TECPR2: variants seen among roughly 807,000 people sequenced by gnomAD.
The protein encoded by TECPR2 is tectonin beta-propeller repeat-containing protein 2.
TECPR2 carries 65 observed loss-of-function variants against 138.1 expected under a neutral mutation model. The ratio of observed to expected loss-of-function variants is 0.47; its 90% CI spans 0.39 to 0.58. The LOEUF is 0.58. Ranked by LOEUF, TECPR2 falls within the 20% of genes least tolerant of loss-of-function variation. The pLI, the probability that TECPR2 is intolerant of heterozygous loss-of-function variation, is 0.00. For synonymous variants in TECPR2, 746 were observed against 749.8 expected (o/e 0.99, Z 0.08); for missense variants, 1,553 against 1,824.5 (o/e 0.85, Z 2.71).
At chr14:102,486,753 A>T (rs899949844) in intron 17 of TECPR2, among the ~76,000 whole-genome samples, 2 of 152,208 alleles carry the variant, frequency 1.3e-5, no homozygotes, top group African/African-American at 4.8e-5. Flanking sequence ...CCAGCTAAGG[A>T]CACAGACCAC....
At chr14:102,438,305 G>A (rs948572067) in intron 10 of TECPR2, 100 bp downstream of exon 10, 6 of 1,385,256 alleles carry the variant, frequency 4.3e-6, no homozygotes, top group Non-Finnish European at 5.7e-6. Context: ...CTCCCCTGCA[G>A]CAGCTCTGGG....
At chr14:102,418,736 G>A (rs1468704302) in intron 5 of TECPR2, among the ~76,000 whole-genome samples, 1 of 152,204 alleles carries the variant, frequency 6.6e-6, no homozygotes, top group Non-Finnish European at 1.5e-5. Context: ...AGCTCAGCAG[G>A]GCCAGCAAGG....
intron 5 of TECPR2, among the ~76,000 whole-genome samples, chr14:102,422,625 G>A (rs1000006834): frequency 6.6e-6 from 1 of 152,278 alleles, no homozygotes; most frequent in Non-Finnish European, 1.5e-5. Context: ...AAATTATATT[G>A]TCTTTAGAGA....
chr14:102,489,706 A>AC (rs1248240198), intron 17 of TECPR2, among the ~76,000 whole-genome samples: 2 of 150,004 alleles, frequency 1.3e-5, no homozygotes, highest in Non-Finnish European at 3.0e-5. Flanking sequence ...ACTGTGTCAA[A>AC]AAAAAAAAAA....
rs191713625 is a variant in TECPR2 at position 102,447,405 on chromosome 14, G to A, written c.3075+1458G>A. Among the ~76,000 whole-genome samples the A allele has an allele frequency of 6.6e-5, 10 of 152,148 alleles. No individual in the cohort carries two copies. The East Asian group carries it at 1.2e-3, about 18-fold the overall frequency. The stretch of plus-strand genomic sequence containing the variant: ...ATTACAGGTGTGAACCACCACCCTC[G>A]GCCCTAGAATGGATTTTCAAAGGAG... On this transcript the variant is annotated intron_variant, in intron 13 of 19. Transcript: ENST00000359520.
rs758738791 is a variant in TECPR2, at chr14:102,434,708, C to T, written c.1891C>T (p.Gln631Ter). ...SPGAHDGEDI[Q>*]PIGPQSTFCE... Reference sequence around the variant, plus strand: ...TGGGGCGCATGATGGGGAAGACATCCAACCCATTGGCCCCCAAAGCACTTT... The same window carrying T: ...TGGGGCGCATGATGGGGAAGACATCTAACCCATTGGCCCCCAAAGCACTTT... Residue 631 changes from glutamine to a stop codon, truncating the protein, a stop_gained, in exon 9 of 20, where the codon CAA becomes TAA. Transcript: ENST00000359520. LOFTEE classifies it high-confidence loss of function. 1 of 1,613,708 alleles carries T rather than the reference C, an allele frequency of 6.2e-7. No homozygotes were observed. Among genetic ancestry groups the T allele is most frequent in the Non-Finnish European group, 8.5e-7 (1 of 1,179,930 alleles).
At chr14:102,484,422 T>C (rs904037449) in intron 17 of TECPR2, among the ~76,000 whole-genome samples, 3 of 152,302 alleles carry the variant, frequency 2.0e-5, no homozygotes, top group Non-Finnish European at 4.4e-5. Context: ...CTTCAGATGT[T>C]GGCAGTCCCC....
intron 17 of TECPR2, among the ~76,000 whole-genome samples, chr14:102,487,910 C>T (rs1446919067): frequency 1.4e-3 from 204 of 142,822 alleles, no homozygotes; most frequent in African/African-American, 5.2e-3. Context: ...GGCGCGATCT[C>T]GGCTCACCAC....
chr14:102,462,630 C>G (rs376251252), intron 16 of TECPR2, among the ~76,000 whole-genome samples: 5 of 152,252 alleles, frequency 3.3e-5, no homozygotes, highest in African/African-American at 1.2e-4. Context: ...GATTCTGCAC[C>G]CAGTGTGGGG....
chr14:102,448,933 C>T (rs1158889658), intron 13 of TECPR2, among the ~76,000 whole-genome samples: 1 of 151,820 alleles, frequency 6.6e-6, no homozygotes, highest in South Asian at 2.1e-4. Context: ...TTCTAAGTAC[C>T]GTATACTGTT....
chr14:102,365,341 CTG>C (rs1259146312), intron 1 of TECPR2, among the ~76,000 whole-genome samples: 1 of 152,142 alleles, frequency 6.6e-6, no homozygotes, highest in African/African-American at 2.4e-5. Flanking sequence ...AACCAAGTAT[CTG>C]AGGGAATTTA....
chr14:102,401,378 G>A (rs1888471977), intron 2 of TECPR2, among the ~76,000 whole-genome samples: 2 of 148,208 alleles, frequency 1.3e-5, no homozygotes, highest in South Asian at 4.4e-4. Context: ...GACAGAGGTT[G>A]TAGTGAGCTG....
intron 2 of TECPR2, among the ~76,000 whole-genome samples, chr14:102,403,020 A>C (rs1162874949): frequency 2.0e-5 from 3 of 152,198 alleles, no homozygotes; most frequent in Non-Finnish European, 4.4e-5. Context: ...AGAGGAGGGA[A>C]TACTTCTGAA....
chr14:102,376,609 A>G (rs1056543928), intron 1 of TECPR2, 41 bp from the exon 2 acceptor site: 6 of 919,342 alleles, frequency 6.5e-6, no homozygotes, highest in South Asian at 1.6e-5. Context: ...TCTTTTTGCC[A>G]TGACTAGGCA....
At chr14:102,421,315 C>T (rs1232686797) in intron 5 of TECPR2, among the ~76,000 whole-genome samples, 2 of 152,166 alleles carry the variant, frequency 1.3e-5, no homozygotes, top group Admixed American at 6.5e-5. Context: ...TAATCAGATA[C>T]GATGCTGTTG....
rs1595154378 is a variant in TECPR2 at position 102,499,563 on chromosome 14, G to T, written c.*1306G>T. The T allele has an allele frequency of 2.9e-6, 1 of 345,488 alleles. No homozygotes were observed. The highest frequency in any genetic ancestry group is 3.0e-5 in the South Asian group (1 of 32,916). The allele number at this position is 345,488 out of a possible 1,614,324, so 21.4% of individuals were successfully genotyped here. ...AGTGGCAGCCCATGCCTTCTGCGGG[G>T]TATGGGTTGACACTTGACAGGTTGA... On this transcript the variant is annotated 3_prime_UTR_variant, in exon 20 of 20. Transcript: ENST00000359520.
At chr14:102,414,204 A>G (rs1337162136) in intron 4 of TECPR2, among the ~76,000 whole-genome samples, 1 of 152,170 alleles carries the variant, frequency 6.6e-6, no homozygotes, top group African/African-American at 2.4e-5. Flanking sequence ...CAATAATTTT[A>G]TAGAATGTTC....
Position 102,440,515 on chromosome 14 carries a change from C to A in TECPR2, c.2658C>A (p.His886Gln). 6.2e-7 allele frequency: 1 copy of A among 1,614,210 alleles called. No individual in the cohort carries two copies. The change falls in exon 11 of 20, where the codon CAC (histidine) becomes CAA (glutamine). Residue 886 changes from histidine to glutamine, a missense_variant. Coordinates refer to ENST00000359520, the MANE Select transcript of TECPR2 (RefSeq NM_014844.5). ...AAGTCACCATCAAGGGGAAGCGGCA[C>A]TGGTACGAAGCCCTGCCCCAGGCAG... is the stretch of plus-strand genomic sequence containing the variant. ...CGKVTIKGKR[H>Q]WYEALPQAVF...
At chr14:102,444,799 C>T (rs2065735713) in intron 12 of TECPR2, among the ~76,000 whole-genome samples, 1 of 152,048 alleles carries the variant, frequency 6.6e-6, no homozygotes, top group African/African-American at 2.4e-5. Context: ...TAGTGAAATC[C>T]CGTCTCTATT....
Sources: gnomAD v4.1 joint callset for allele counts (sites outside exome capture counted in the v4.1 genomes callset) on GRCh38, gnomAD v4.1.1 for gene constraint, MANE v1.5 for transcripts, NCBI Gene and HGNC (gene_info 2026-07-23, HGNC 2026-07-21) for gene names.